NTRK2: variants seen among roughly 807,000 people sequenced by gnomAD.
NTRK2 encodes BDNF/NT-3 growth factors receptor.
NTRK2 carries 13 observed loss-of-function variants against 94.5 expected under a neutral mutation model. The observed-to-expected ratio is 0.14, with a 90% CI of 0.09 to 0.22. The LOEUF (loss-of-function observed/expected upper bound fraction) is 0.22. Ranked by LOEUF, NTRK2 falls within the 10% of genes least tolerant of loss-of-function variation. NTRK2 has a pLI of 1.00. For synonymous variants in NTRK2, 372 were observed against 407.4 expected (o/e 0.91, Z 1.05); for missense variants, 639 against 1,071.2 (o/e 0.60, Z 5.63).
chr9:84,916,423 A>G (rs141655509), intron 14 of NTRK2, among the ~76,000 whole-genome samples: 385 of 152,340 alleles, frequency 2.5e-3, no homozygotes, highest in African/African-American at 8.9e-3. Context: ...AGTACTCAGG[A>G]GACATTACTA....
At chr9:84,847,464 G>C (rs1007391788) in intron 12 of NTRK2, among the ~76,000 whole-genome samples, 1 of 152,168 alleles carries the variant, frequency 6.6e-6, no homozygotes, top group African/African-American at 2.4e-5. Flanking sequence ...ACTGTGGCCA[G>C]GATCCATCTT....
At chr9:84,985,331 C>G (rs184320877) in intron 17 of NTRK2, among the ~76,000 whole-genome samples, 1 of 152,108 alleles carries the variant, frequency 6.6e-6, no homozygotes, top group African/African-American at 2.4e-5. Context: ...ATTTATTGAG[C>G]CTTACTAAGG....
chr9:84,813,035 CT>C, intron 12 of NTRK2: 1 of 1,036,442 alleles, frequency 9.6e-7, no homozygotes, highest in Non-Finnish European at 1.2e-6. Flanking sequence ...CATCATTTTG[CT>C]TTTTATGTCT....
At chr9:84,986,314 G>C (rs906417989) in intron 17 of NTRK2, among the ~76,000 whole-genome samples, 1 of 152,124 alleles carries the variant, frequency 6.6e-6, no homozygotes, top group Non-Finnish European at 1.5e-5. Context: ...CCATGGACAG[G>C]GGTTGTGAGG....
At chr9:84,854,015 T>G (rs1243576848) in intron 12 of NTRK2, among the ~76,000 whole-genome samples, 1 of 145,796 alleles carries the variant, frequency 6.9e-6, no homozygotes, top group Non-Finnish European at 1.5e-5. Flanking sequence ...GAGGTTGCAG[T>G]GAGCTGAGAT....
intron 15 of NTRK2, among the ~76,000 whole-genome samples, chr9:84,941,778 C>T (rs186833271): frequency 1.3e-5 from 2 of 152,148 alleles, no homozygotes; most frequent in African/African-American, 4.8e-5. Flanking sequence ...TTGACAGTTG[C>T]TACGAATTAG....
intron 17 of NTRK2, among the ~76,000 whole-genome samples, chr9:85,014,032 A>C (rs1224265752): frequency 6.6e-6 from 1 of 152,220 alleles, no homozygotes; most frequent in Non-Finnish European, 1.5e-5. Flanking sequence ...CCTGTCTACC[A>C]ATGTGCCTCT....
intron 12 of NTRK2, among the ~76,000 whole-genome samples, chr9:84,765,288 G>A (rs2065924304): frequency 6.6e-6 from 1 of 152,118 alleles, no homozygotes; most frequent in Non-Finnish European, 1.5e-5. Flanking sequence ...CACATTGCAT[G>A]CCTGTATCAA....
chr9:84,912,109 A>G (rs1249480792), intron 14 of NTRK2, among the ~76,000 whole-genome samples: 1 of 152,206 alleles, frequency 6.6e-6, no homozygotes, highest in Non-Finnish European at 1.5e-5. Flanking sequence ...AAAGGGGCAC[A>G]CTCAACATGA....
At chr9:84,765,392 C>T (rs781664847) in intron 12 of NTRK2, among the ~76,000 whole-genome samples, 19 of 152,100 alleles carry the variant, frequency 1.2e-4, no homozygotes, top group Non-Finnish European at 1.8e-4. Flanking sequence ...AGCCTAAATG[C>T]TTTCAGGATT....
intron 17 of NTRK2, among the ~76,000 whole-genome samples, chr9:85,006,493 C>G (rs769931746): frequency 1.0e-4 from 15 of 149,972 alleles, no homozygotes; most frequent in Non-Finnish European, 2.1e-4. Context: ...CCTGAGGCTC[C>G]TCACCCTGGG....
At chr9:84,707,181 C>G (rs1194478244) in intron 4 of NTRK2, among the ~76,000 whole-genome samples, 1 of 152,042 alleles carries the variant, frequency 6.6e-6, no homozygotes, top group Non-Finnish European at 1.5e-5. Flanking sequence ...TTTTTAGTCA[C>G]AAATATATCT....
intron 15 of NTRK2, among the ~76,000 whole-genome samples, chr9:84,944,221 A>G (rs949274504): frequency 2.4e-5 from 3 of 124,290 alleles, no homozygotes; most frequent in Non-Finnish European, 5.5e-5. Context: ...TCTCTCACAC[A>G]CACACACACA....
At chr9:84,744,832 T>A in intron 10 of NTRK2, 141 bp from the exon 11 acceptor site, 1 of 770,876 alleles carries the variant, frequency 1.3e-6, no homozygotes. Context: ...CCTGGTCACG[T>A]CCCTCCACAG....
chr9:84,966,512 A>G lies in NTRK2; in HGVS notation c.2172+10995A>G, dbSNP rs369959277. 4.6e-5 allele frequency among the ~76,000 whole-genome samples: 7 copies of G among 152,002 alleles called. No homozygotes were observed. In the East Asian group the frequency reaches 7.7e-4, roughly 17 times the overall value. ...AATGGCACAATATCAGTTCACTGCA[A>G]CCTCCACCTCCCGGGTTCAAGTGAG... On this transcript the variant is annotated intron_variant, in intron 17 of 18. Transcript: ENST00000277120.
chr9:84,680,971 C>T (rs1219317096), intron 2 of NTRK2, among the ~76,000 whole-genome samples: 2 of 152,150 alleles, frequency 1.3e-5, no homozygotes, highest in Non-Finnish European at 2.9e-5. Flanking sequence ...CTGCATGCTA[C>T]TTGTTTGCTT....
At chr9:84,689,370 A>G (rs754255978) in intron 2 of NTRK2, among the ~76,000 whole-genome samples, 1 of 152,182 alleles carries the variant, frequency 6.6e-6, no homozygotes, top group Non-Finnish European at 1.5e-5. Flanking sequence ...GTGCTGAGCG[A>G]TCACAAGTGA....
chr9:85,010,365 C>T (rs962682939), intron 17 of NTRK2, among the ~76,000 whole-genome samples: 2 of 152,136 alleles, frequency 1.3e-5, no homozygotes, highest in African/African-American at 4.8e-5. Flanking sequence ...TGATTTTCAC[C>T]ATCAAAGGGT....
intron 14 of NTRK2, among the ~76,000 whole-genome samples, chr9:84,884,749 A>T (rs1454539807): frequency 3.3e-5 from 5 of 152,234 alleles, no homozygotes; most frequent in African/African-American, 1.2e-4. Flanking sequence ...TTGTCTTCTC[A>T]TAGTGCTTAT....
Sources: allele counts gnomAD v4.1 joint callset (sites outside exome capture counted in the v4.1 genomes callset), GRCh38; gene constraint gnomAD v4.1.1; transcripts MANE v1.5; gene names NCBI Gene and HGNC (gene_info 2026-07-23, HGNC 2026-07-21).